CASP10: variants seen among roughly 807,000 people sequenced by gnomAD.
CASP10 encodes the protein caspase 10.
CASP10 carries 41 observed loss-of-function variants against 48.5 expected under a neutral mutation model. The ratio of observed to expected loss-of-function variants is 0.85; its 90% confidence interval spans 0.66 to 1.10. CASP10 has a LOEUF of 1.10. CASP10 is among the 50% of genes least tolerant of loss of function. CASP10 has a pLI of 0.00. For synonymous variants in CASP10, 232 were observed against 238.4 expected, an observed-to-expected ratio of 0.97 and a Z score of 0.25; for missense variants, 614 against 614.5, an observed-to-expected ratio of 1.00 and a Z score of 0.01.
intron 3 of CASP10, 95 bp from the exon 4 acceptor site, chr2:201,192,889 G>A: frequency 7.7e-7 from 1 of 1,290,760 alleles, no homozygotes; most frequent in South Asian, 1.2e-5. Flanking sequence ...TTATTTATCA[G>A]TGCAAAACCT....
At chr2:201,222,768 T>A (rs527956609), downstream of CASP10, among the ~76,000 whole-genome samples, 1 of 152,314 alleles carries the variant, frequency 6.6e-6, no homozygotes, top group Non-Finnish European at 1.5e-5. Flanking sequence ...TGGTACGCTG[T>A]GGTACCGACC....
In CASP10 at chr2:201,201,715, G is replaced by C. The variant is rs924364831; in HGVS notation, c.685-2015G>C. On this transcript the variant is annotated intron_variant, in intron 5 of 9. Coordinates refer to ENST00000286186, the MANE Select transcript of CASP10 (RefSeq NM_032977.4). ...TTTAAGGTTGGAAGGTGTCTTAAAA[G>C]TTATCTGGGCAGCCCTTTCCCTCTC... Among the ~76,000 whole-genome samples the C allele has an allele frequency of 2.0e-5, 3 of 152,046 alleles. No homozygotes were observed. In the East Asian group the frequency reaches 5.8e-4, roughly 29 times the overall value.
intron 5 of CASP10, among the ~76,000 whole-genome samples, chr2:201,197,585 A>G (rs543414909): frequency 6.6e-6 from 1 of 152,368 alleles, no homozygotes; most frequent in South Asian, 2.1e-4. Context: ...ACTGCACTCC[A>G]GCTTGGGCAA....
intron 9 of CASP10, chr2:201,214,152 A>G (rs900728048): frequency 2.6e-5 from 4 of 152,246 alleles, no homozygotes; most frequent in Admixed American, 2.6e-4. Flanking sequence ...TGAGCCTAGG[A>G]TATTTTGGGC....
chr2:201,227,748 A>G (rs368345579), intron 9 of CASP10, among the ~76,000 whole-genome samples: 2 of 150,660 alleles, frequency 1.3e-5, no homozygotes, highest in East Asian at 3.9e-4. Context: ...TTTAGTAGAG[A>G]CAGGGTTTCA....
At chr2:201,190,702 A>T (rs1384045464) in intron 3 of CASP10, among the ~76,000 whole-genome samples, 3 of 152,138 alleles carry the variant, frequency 2.0e-5, no homozygotes, top group Non-Finnish European at 2.9e-5. Context: ...CGGGTGAGGG[A>T]CGAGAGAAAG....
rs371962581 is a variant in CASP10, at chr2:201,193,044, A to G, written c.502A>G (p.Thr168Ala). 9.9e-6 allele frequency: 16 copies of G among 1,613,696 alleles called. No individual in the cohort carries two copies. The highest frequency in any genetic ancestry group is 1.4e-5 in the Non-Finnish European group (16 of 1,179,720). Residue 168 changes from threonine (T) to alanine (A), a missense_variant, in exon 4 of 10, where the codon ACA (threonine) becomes GCA (alanine). Coordinates refer to ENST00000286186, the MANE Select transcript of CASP10 (RefSeq NM_032977.4). ...AGGTAAAATAGATGAAGATAATCTG[A>G]CATGCCTGGAGGACCTCTGCAAAAC... The part of the protein sequence containing the change: ...KQGKIDEDNL[T>A]CLEDLCKTVV...
At chr2:201,227,588 G>A (rs1324678573) in intron 9 of CASP10, among the ~76,000 whole-genome samples, 4 of 151,896 alleles carry the variant, frequency 2.6e-5, no homozygotes, top group African/African-American at 9.7e-5. Flanking sequence ...ATGGAGTCTC[G>A]CTCTGTTGCC....
At position 201,219,299 on chromosome 2, in the gene CASP10, A is replaced by T; in HGVS notation, c.*1558A>T. 2.8e-6 allele frequency: 1 copy of T among 362,772 alleles called. No individual in the cohort carries two copies. Among genetic ancestry groups the T allele is most frequent in the Non-Finnish European group, 3.8e-6 (1 of 261,100 alleles). 22.5% of individuals were successfully genotyped at this position (362,772 alleles called of 1,614,324 possible). Reference sequence around the variant, plus strand: ...AAAAATTCAATATTGGGGTTGGAACATTTCAGTTGCCATTGACAGAACACC... The same window carrying T: ...AAAAATTCAATATTGGGGTTGGAACTTTTCAGTTGCCATTGACAGAACACC... On this transcript the variant is annotated 3_prime_UTR_variant, in exon 10 of 10. Coordinates refer to ENST00000286186, the MANE Select transcript of CASP10 (RefSeq NM_032977.4).
chr2:201,200,864 C>A, intron 5 of CASP10: 2 of 539,650 alleles, frequency 3.7e-6, no homozygotes, highest in Non-Finnish European at 4.8e-6. Context: ...CAATTAATTC[C>A]AATCCTAGAA....
downstream of CASP10, among the ~76,000 whole-genome samples, chr2:201,225,522 C>T (rs780165181): frequency 2.6e-5 from 4 of 152,156 alleles, no homozygotes; most frequent in African/African-American, 2.4e-5. Context: ...TACTAATCAT[C>T]GAATTCTCTA....
chr2:201,226,064 C>CTA (rs1345219992), downstream of CASP10, among the ~76,000 whole-genome samples: 4 of 152,200 alleles, frequency 2.6e-5, no homozygotes, highest in Non-Finnish European at 4.4e-5. Context: ...TGTACATATA[C>CTA]TATATATATA....
At chr2:201,195,381 G>T (rs1032326287) in intron 4 of CASP10, among the ~76,000 whole-genome samples, 5 of 152,166 alleles carry the variant, frequency 3.3e-5, no homozygotes, top group African/African-American at 1.2e-4. Context: ...CCAGGACTGA[G>T]CTTTATATCA....
exon 10 of CASP10, chr2:201,229,346 A>G (rs770937250): frequency 3.0e-4 from 158 of 526,906 alleles, no homozygotes; most frequent in Non-Finnish European, 5.1e-4. Flanking sequence ...ATGGTTAAAC[A>G]ATTTAAACAA....
intron 5 of CASP10, among the ~76,000 whole-genome samples, chr2:201,198,488 G>T (rs181355122): frequency 3.3e-5 from 5 of 149,442 alleles, no homozygotes; most frequent in African/African-American, 9.9e-5. Flanking sequence ...GCCTCCCAAA[G>T]TGCTGGGATT....
intron 5 of CASP10, among the ~76,000 whole-genome samples, chr2:201,202,027 T>C (rs1945036816): frequency 6.6e-6 from 1 of 152,296 alleles, no homozygotes; most frequent in East Asian, 1.9e-4. Context: ...ATTTTTTGTA[T>C]TTTTAGTAGA....
chr2:201,201,521 T>G (rs1945018202), intron 5 of CASP10, among the ~76,000 whole-genome samples: 1 of 151,962 alleles, frequency 6.6e-6, no homozygotes, highest in Non-Finnish European at 1.5e-5. Context: ...CTTTGAGAAA[T>G]TCAGTGGTTT....
chr2:201,203,470 C>T (rs1945093867), intron 5 of CASP10, among the ~76,000 whole-genome samples: 1 of 152,076 alleles, frequency 6.6e-6, no homozygotes, highest in African/African-American at 2.4e-5. Flanking sequence ...CCACACCCGG[C>T]TAATTTTTTT....
chr2:201,206,156 C>G (rs1945198693), intron 7 of CASP10, 183 bp downstream of exon 7: 2 of 529,292 alleles, frequency 3.8e-6, no homozygotes, highest in Admixed American at 3.2e-5. Context: ...TTCTTCCCAC[C>G]TTTTTCTGTA....
Sources: allele counts gnomAD v4.1 joint callset (sites outside exome capture counted in the v4.1 genomes callset), GRCh38; gene constraint gnomAD v4.1.1; transcripts MANE v1.5; gene names NCBI Gene and HGNC (gene_info 2026-07-23, HGNC 2026-07-21).